PTPRN2: variants seen among roughly 807,000 people sequenced by gnomAD.
PTPRN2 encodes the protein protein tyrosine phosphatase receptor type N2, also known as receptor-type tyrosine-protein phosphatase N2.
PTPRN2 carries 74 observed loss-of-function variants against 118.8 expected under a neutral mutation model. The ratio of observed to expected loss-of-function variants is 0.62; its 90% CI spans 0.52 to 0.76. The LOEUF (loss-of-function observed/expected upper bound fraction) is 0.76. PTPRN2 is among the 30% of genes least tolerant of loss of function. The pLI is 0.00. For synonymous variants in PTPRN2, 641 were observed against 608.0 expected (o/e 1.05, Z -0.80); for missense variants, 1,481 against 1,394.4 (o/e 1.06, Z -0.99).
chr7:158,411,337 C>A (rs1033911055), intron 2 of PTPRN2, among the ~76,000 whole-genome samples: 14 of 152,154 alleles, frequency 9.2e-5, no homozygotes, highest in Non-Finnish European at 2.1e-4. Flanking sequence ...CCAGTCGCTT[C>A]CCGTGATGAA....
rs140790436 is a variant in PTPRN2 at position 158,237,928 on chromosome 7, G to A, written c.278-32655C>T. On this transcript the variant is annotated intron_variant, in intron 3 of 22. Coordinates refer to ENST00000389418, the MANE Select transcript of PTPRN2 (RefSeq NM_002847.5). ...AGCACAGAGCCTGCAGGAGTTGCCC[G>A]CAGCCCGGCGGCTGCCATGGAGATA... Among the ~76,000 whole-genome samples the A allele has an allele frequency of 5.5e-3, 841 of 152,222 alleles. 3 individuals carry two copies. The highest frequency in any genetic ancestry group is 0.024 in the Middle Eastern group (7 of 294).
intron 12 of PTPRN2, among the ~76,000 whole-genome samples, chr7:157,720,859 G>T (rs531887525): frequency 1.1e-4 from 17 of 152,360 alleles, no homozygotes; most frequent in African/African-American, 4.1e-4. Context: ...GACACCGTGT[G>T]ACTGGCTCTA....
At chr7:158,195,188 G>C (rs1826116688) in intron 4 of PTPRN2, among the ~76,000 whole-genome samples, 1 of 152,088 alleles carries the variant, frequency 6.6e-6, no homozygotes, top group Non-Finnish European at 1.5e-5. Flanking sequence ...TTTTACCTTT[G>C]TATCTGAAGG....
At chr7:158,553,092 C>T (rs1321884317) in intron 1 of PTPRN2, among the ~76,000 whole-genome samples, 3 of 151,996 alleles carry the variant, frequency 2.0e-5, no homozygotes, top group African/African-American at 7.2e-5. Flanking sequence ...CCTGCGTACA[C>T]ACACATGCTT....
At chr7:157,998,999 C>T (rs1805007320) in intron 11 of PTPRN2, among the ~76,000 whole-genome samples, 1 of 151,766 alleles carries the variant, frequency 6.6e-6, no homozygotes, top group Non-Finnish European at 1.5e-5. Flanking sequence ...CAACAGTGAC[C>T]CCTACAGTGC....
chr7:158,130,374 CATGCACAT>C (rs1818074787), intron 9 of PTPRN2, among the ~76,000 whole-genome samples: 1 of 152,020 alleles, frequency 6.6e-6, no homozygotes, highest in Non-Finnish European at 1.5e-5. Flanking sequence ...CATATACACA[CATGCACAT>C]ATGCACACAC....
chr7:158,492,511 C>A (rs1235378900), intron 1 of PTPRN2, among the ~76,000 whole-genome samples: 1 of 152,182 alleles, frequency 6.6e-6, no homozygotes, highest in African/African-American at 2.4e-5. Context: ...CCTTGGAAAA[C>A]CACCTGTTAC....
chr7:158,314,250 C>T (rs997902493), intron 3 of PTPRN2, among the ~76,000 whole-genome samples: 4 of 152,356 alleles, frequency 2.6e-5, no homozygotes, highest in East Asian at 1.9e-4. Context: ...TCCACTCGCA[C>T]GTCCAGCCAT....
At chr7:158,447,288 TTTTAGCTAATGC>T (rs1430797206) in intron 2 of PTPRN2, among the ~76,000 whole-genome samples, 1 of 152,178 alleles carries the variant, frequency 6.6e-6, no homozygotes, top group Non-Finnish European at 1.5e-5. Context: ...CCAATTTAGG[TTTTAGCTAATGC>T]TTGCATTCCA....
Position 158,517,061 on chromosome 7 carries a change from TG to T in PTPRN2, c.113-27277del, listed in dbSNP as rs1823628344. The stretch of plus-strand genomic sequence containing the variant: ...ACCTGGGGCACCTTGGGCCCCAGCA[TG>T]GTGCCTCACTGATTTTGGACTGGGC... On this transcript the variant is annotated intron_variant, in intron 1 of 22. Transcript: ENST00000389418. The surrounding 1 kb of genome is among the most constrained non-coding windows in gnomAD (Gnocchi z 5.3). 6.6e-6 allele frequency among the ~76,000 whole-genome samples: 1 copy of T among 152,210 alleles called. No homozygotes were observed. Among genetic ancestry groups the T allele is most frequent in the Non-Finnish European group, 1.5e-5 (1 of 68,036 alleles).
intron 1 of PTPRN2, among the ~76,000 whole-genome samples, chr7:158,559,463 C>T (rs1215207779): frequency 6.6e-6 from 1 of 152,184 alleles, no homozygotes; most frequent in Non-Finnish European, 1.5e-5. Context: ...TCCACTTGTT[C>T]ACCTGCCTCC....
At chr7:158,041,622 T>G (rs6459829) in intron 11 of PTPRN2, among the ~76,000 whole-genome samples, 77,201 of 151,766 alleles carry the variant, frequency 0.51, 20,298 homozygotes, top group Non-Finnish European at 0.56. Flanking sequence ...TCGGTGACAG[T>G]CTAAGCAAGA....
At chr7:158,000,561 G>T (rs968429767) in intron 11 of PTPRN2, among the ~76,000 whole-genome samples, 2 of 146,666 alleles carry the variant, frequency 1.4e-5, no homozygotes, top group Non-Finnish European at 3.0e-5. Flanking sequence ...AAGCATGACT[G>T]AAGTTGGGGT....
chr7:158,532,494 C>T (rs1825320844), intron 1 of PTPRN2, among the ~76,000 whole-genome samples: 1 of 151,954 alleles, frequency 6.6e-6, no homozygotes, highest in Non-Finnish European at 1.5e-5. Flanking sequence ...TTCAGCAAAC[C>T]CCCACCGATG....
intron 12 of PTPRN2, among the ~76,000 whole-genome samples, chr7:157,841,300 G>A (rs1394092062): frequency 6.6e-6 from 1 of 152,234 alleles, no homozygotes; most frequent in Admixed American, 6.5e-5. Flanking sequence ...CATCGGTGAA[G>A]AGACAAAACT....
chr7:158,071,609 G>T (rs1257758796), intron 11 of PTPRN2, among the ~76,000 whole-genome samples: 4 of 110,684 alleles, frequency 3.6e-5, no homozygotes, highest in African/African-American at 9.8e-5. Context: ...TGGTGGAGGT[G>T]CTCGTGGTGG....
chr7:158,506,031 G>A (rs1822722678), intron 1 of PTPRN2, among the ~76,000 whole-genome samples: 1 of 152,250 alleles, frequency 6.6e-6, no homozygotes, highest in African/African-American at 2.4e-5. Context: ...GGGCTGCAGA[G>A]GGTGAGGAGG....
At chr7:158,512,846 C>T (rs958442722) in intron 1 of PTPRN2, among the ~76,000 whole-genome samples, 2 of 152,168 alleles carry the variant, frequency 1.3e-5, no homozygotes, top group Non-Finnish European at 2.9e-5. Context: ...GGCCACGGAA[C>T]GGGCTGCCGG....
In PTPRN2 at chr7:157,621,395, C is replaced by T. The variant is rs143367800; in HGVS notation, c.2311G>A (p.Val771Met). 5.6e-4 allele frequency: 909 copies of T among 1,613,908 alleles called. 2 individuals carry two copies. Among genetic ancestry groups the T allele is most frequent in the East Asian group, 2.2e-3 (100 of 44,890 alleles). ...SSFVAQREEN[V>M]PKNRSLAVLT... ...ACGGCCAGGGAGCGGTTCTTGGGCA[C>T]GTTCTCCTCCCTCTGGGCCACGAAC... The change falls in exon 15 of 23, where the codon GTG becomes ATG. Residue 771 changes from valine to methionine, a missense_variant. By Grantham distance (21) the Val-to-Met change is conservative. This residue lies in a region of PTPRN2 where 362 missense variants were observed against 384.1 expected (regional missense o/e 0.94). Coordinates refer to ENST00000389418, the MANE Select transcript of PTPRN2 (RefSeq NM_002847.5).
Sources: gnomAD v4.1 joint callset for allele counts (sites outside exome capture counted in the v4.1 genomes callset) on GRCh38, gnomAD v4.1.1 for gene constraint, gnomAD v4.1.1 regional missense constraint, Gnocchi (gnomAD v3.1) non-coding constraint, MANE v1.5 for transcripts, NCBI Gene and HGNC (gene_info 2026-07-23, HGNC 2026-07-21) for gene names.